The following TRPV3 variants were observed in gnomAD, a reference collection of about 807,000 sequenced individuals.
The protein encoded by TRPV3 is transient receptor potential cation channel subfamily V member 3.
TRPV3 carries 88 observed loss-of-function variants against 87.1 expected under a neutral mutation model. The observed-to-expected ratio is 1.01, with a 90% CI of 0.85 to 1.21. TRPV3 has a LOEUF of 1.21. TRPV3 is among the 50% of genes most tolerant of loss of function. The pLI, the probability that TRPV3 is intolerant of heterozygous loss-of-function variation, is 0.00. For synonymous variants in TRPV3, 438 were observed against 423.3 expected (o/e 1.03, Z -0.43); for missense variants, 1,054 against 1,030.1 (o/e 1.02, Z -0.32).
chr17:3,520,397 A>C (rs2074235690), intron 14 of TRPV3, among the ~76,000 whole-genome samples: 1 of 152,176 alleles, frequency 6.6e-6, no homozygotes, highest in African/African-American at 2.4e-5. Flanking sequence ...TCAGGGTATT[A>C]GTTTGCTCCT....
intron 16 of TRPV3, 128 bp from the exon 17 acceptor site, chr17:3,514,800 C>A: frequency 1.4e-6 from 1 of 699,484 alleles, no homozygotes; most frequent in South Asian, 1.8e-5. Context: ...ATCAGGAGCA[C>A]CCCTGACCCG....
intron 12 of TRPV3, among the ~76,000 whole-genome samples, chr17:3,525,290 G>T (rs796077951): frequency 6.6e-6 from 1 of 152,222 alleles, no homozygotes; most frequent in Non-Finnish European, 1.5e-5. Flanking sequence ...AAAGTGCTGG[G>T]ATTACAGGCG....
intron 11 of TRPV3, 196 bp downstream of exon 11, chr17:3,527,829 G>A (rs927193447): frequency 3.4e-6 from 2 of 585,176 alleles, no homozygotes; most frequent in Non-Finnish European, 6.1e-6. Context: ...CAGATGGATA[G>A]AGAAGTAGAT....
chr17:3,550,449 A>G (rs2074562935), intron 2 of TRPV3, among the ~76,000 whole-genome samples: 1 of 151,194 alleles, frequency 6.6e-6, no homozygotes. Context: ...CGTGCTGCCA[A>G]GGGCTGTGCT....
At chr17:3,538,715 G>A (rs541110643) in intron 6 of TRPV3, among the ~76,000 whole-genome samples, 2 of 152,138 alleles carry the variant, frequency 1.3e-5, no homozygotes, top group Non-Finnish European at 2.9e-5. Flanking sequence ...CTCCCAAGTA[G>A]CTGGGATTAC....
chr17:3,531,427 C>A lies in TRPV3; in HGVS notation c.1066-1224G>T, dbSNP rs1256237061. On this transcript the variant is annotated intron_variant, in intron 8 of 17. Coordinates refer to ENST00000576742, the MANE Select transcript of TRPV3 (RefSeq NM_145068.4). Reference sequence around the variant, plus strand: ...TAAGGCCAGGTCTCTCCGCCCCGCACCCCAGCCTATAAAAGCCCCAGGACG... The same window carrying A: ...TAAGGCCAGGTCTCTCCGCCCCGCAACCCAGCCTATAAAAGCCCCAGGACG... Among the ~76,000 whole-genome samples the A allele has an allele frequency of 3.3e-5, 5 of 150,762 alleles. No individual in the cohort carries two copies. In the East Asian group the frequency reaches 1.0e-3, roughly 31 times the overall value.
intron 12 of TRPV3, among the ~76,000 whole-genome samples, chr17:3,526,204 G>A (rs73315095): frequency 0.091 from 13,835 of 152,090 alleles, 1,753 homozygotes; most frequent in African/African-American, 0.28. Context: ...AGAGGCCGGC[G>A]CAGGAGCTCA....
At chr17:3,533,602 T>C (rs2074371730) in intron 7 of TRPV3, among the ~76,000 whole-genome samples, 1 of 151,322 alleles carries the variant, frequency 6.6e-6, no homozygotes, top group East Asian at 1.9e-4. Context: ...GGGTTCAAGC[T>C]ATTCTCCTGC....
intron 4 of TRPV3, 38 bp downstream of exon 4, chr17:3,544,541 G>A (rs373614271): frequency 4.6e-5 from 62 of 1,358,086 alleles, no homozygotes; most frequent in Non-Finnish European, 6.2e-5. Flanking sequence ...CCCCAGCCTG[G>A]GTGGGCACAG....
At chr17:3,516,391 T>A in intron 16 of TRPV3, 66 bp downstream of exon 16, 1 of 1,238,264 alleles carries the variant, frequency 8.1e-7, no homozygotes, top group Non-Finnish European at 1.2e-6. Flanking sequence ...TAACATCCTG[T>A]CACCATCCTG....
chr17:3,521,588 G>C (rs1049113028), intron 13 of TRPV3, among the ~76,000 whole-genome samples: 2 of 152,002 alleles, frequency 1.3e-5, no homozygotes, highest in African/African-American at 4.8e-5. Context: ...TGAGGTGATG[G>C]GTGTGTTAAT....
Position 3,542,573 on chromosome 17 carries a change from C to T in TRPV3, c.592G>A (p.Asp198Asn), listed in dbSNP as rs78615718. The T allele has an allele frequency of 6.1e-3, 9,801 of 1,613,932 alleles. 309 individuals carry two copies. In the African/African-American group the frequency reaches 0.084, roughly 14 times the overall value. The stretch of plus-strand genomic sequence containing the variant: ...GCGTTGATGAACCTGCCCAGGATGT[C>T]GTTCTCTTCAGCAAAGGCAAGCAGG... ...RILLAFAEEN[D>N]ILGRFINAEY... is the part of the protein sequence containing the mutation. Residue 198 changes from aspartate to asparagine, a missense_variant, in exon 6 of 18, where the codon GAC becomes AAC. Physicochemically the swap from Asp to Asn is conservative, Grantham distance 23. Transcript: ENST00000576742.
intron 7 of TRPV3, 59 bp from the exon 8 acceptor site, chr17:3,532,996 A>G (rs2074363227): frequency 6.3e-7 from 1 of 1,589,994 alleles, no homozygotes; most frequent in Non-Finnish European, 8.6e-7. Context: ...GCGTCCCCCA[A>G]GCCCCAGGAC....
At chr17:3,547,484 G>A (rs1018151986) in intron 2 of TRPV3, among the ~76,000 whole-genome samples, 31 of 152,186 alleles carry the variant, frequency 2.0e-4, no homozygotes, top group African/African-American at 7.0e-4. Flanking sequence ...AGCCAGGCGT[G>A]GTGGCACGCA....
intron 7 of TRPV3, 136 bp downstream of exon 7, chr17:3,535,437 T>A: frequency 1.1e-4 from 36 of 327,272 alleles, no homozygotes; most frequent in Middle Eastern, 9.3e-4. Flanking sequence ...TTCCTCCCTC[T>A]CCCTCCTCAC....
chr17:3,529,906 G>A (rs1234379005), intron 9 of TRPV3, 121 bp downstream of exon 9: 5 of 1,119,126 alleles, frequency 4.5e-6, no homozygotes, highest in Non-Finnish European at 5.0e-6. Context: ...CAACAGAGTG[G>A]GGTATGCAGA....
chr17:3,519,637 G>T (rs1209648943), intron 14 of TRPV3, among the ~76,000 whole-genome samples: 1 of 108,424 alleles, frequency 9.2e-6, no homozygotes, highest in Non-Finnish European at 1.9e-5. Flanking sequence ...TGGATGATTA[G>T]ATGGATGATT....
At chr17:3,539,661 T>A (rs1277359545) in intron 6 of TRPV3, 2 of 150,260 alleles carry the variant, frequency 1.3e-5, no homozygotes, top group Non-Finnish European at 3.0e-5. Flanking sequence ...TCAAAAACAA[T>A]AATAAAATAA....
chr17:3,522,681 A>G (rs538953698), intron 13 of TRPV3, among the ~76,000 whole-genome samples: 104 of 151,708 alleles, frequency 6.9e-4, no homozygotes, highest in Non-Finnish European at 1.1e-3. Flanking sequence ...TTAGCTGGGC[A>G]TGGTGCATGC....
Sources: allele counts gnomAD v4.1 joint callset (sites outside exome capture counted in the v4.1 genomes callset), GRCh38; gene constraint gnomAD v4.1.1; transcripts MANE v1.5; gene names NCBI Gene and HGNC (gene_info 2026-07-23, HGNC 2026-07-21).